The following PKIB variants were observed in gnomAD, a reference collection of about 807,000 sequenced individuals.
PKIB encodes the protein PKI-beta.
A neutral mutation model predicts 4.5 loss-of-function variants in PKIB; 2 were observed. The ratio of observed to expected loss-of-function variants is 0.44; its 90% CI spans 0.18 to 1.39. The LOEUF (loss-of-function observed/expected upper bound fraction) is 1.39. Among genes scored for constraint, PKIB ranks in the 40% most tolerant of loss-of-function variants. The probability of loss-of-function intolerance (pLI) is 0.27; values close to 1 mark genes in which losing one functional copy is unlikely to be tolerated. For synonymous variants in PKIB, 38 were observed against 36.0 expected, an observed-to-expected ratio of 1.06 and a Z score of -0.20; for missense variants, 94 against 92.6, an observed-to-expected ratio of 1.02 and a Z score of -0.06.
rs535046356 is a variant in PKIB, at chr6:122,615,468, A to T, written c.-161+4933A>T. On this transcript the variant is annotated intron_variant, in intron 1 of 4. Coordinates refer to ENST00000368452, the MANE Select transcript of PKIB (RefSeq NM_181795.3). ...CATGAGAATGAAGAGTGCCTCTCAGATTCTTGGCTTGAAGTGAGAGCTGGC... is the reference window on the plus strand; with the variant it reads ...CATGAGAATGAAGAGTGCCTCTCAGTTTCTTGGCTTGAAGTGAGAGCTGGC... Among the ~76,000 whole-genome samples, 3 of 152,302 alleles carry T rather than the reference A, an allele frequency of 2.0e-5. No homozygotes were observed. In the East Asian group the frequency reaches 5.8e-4, roughly 29 times the overall value.
intron 2 of PKIB, among the ~76,000 whole-genome samples, chr6:122,569,258 G>C (rs975611157): frequency 6.6e-6 from 1 of 152,154 alleles, no homozygotes; most frequent in Non-Finnish European, 1.5e-5. Context: ...TGAGAAACCA[G>C]AATACTTCCC....
intron 2 of PKIB, among the ~76,000 whole-genome samples, chr6:122,517,337 C>A (rs1457054751): frequency 6.6e-6 from 1 of 152,082 alleles, no homozygotes; most frequent in African/African-American, 2.4e-5. Context: ...AAATATTGTT[C>A]TTTTATAAGT....
rs563795835 is a variant in PKIB at position 122,491,504 on chromosome 6, C to G, written c.-248+13565C>G. 4.6e-5 allele frequency among the ~76,000 whole-genome samples: 7 copies of G among 152,098 alleles called. No homozygotes were observed. In the East Asian group the frequency reaches 7.7e-4, roughly 17 times the overall value. On this transcript the variant is annotated intron_variant, in intron 2 of 6. Transcript: ENST00000392491. Reference sequence around the variant, plus strand: ...GAGTTGGGGGAGCCCTCTCCTCCCCCGCTCATGCCTGGCTAGCTACCTACT... The same window carrying G: ...GAGTTGGGGGAGCCCTCTCCTCCCCGGCTCATGCCTGGCTAGCTACCTACT...
intron 2 of PKIB, among the ~76,000 whole-genome samples, chr6:122,508,574 T>C (rs1219510784): frequency 6.6e-6 from 1 of 152,154 alleles, no homozygotes; most frequent in East Asian, 1.9e-4. Context: ...GGAAGATTGG[T>C]ATGTGCTCAG....
chr6:122,655,029 C>T (rs1187830866), intron 2 of PKIB, among the ~76,000 whole-genome samples: 2 of 151,850 alleles, frequency 1.3e-5, no homozygotes, highest in East Asian at 3.9e-4. Context: ...CAGGCTTTGC[C>T]CAGGCTGGAG....
intron 2 of PKIB, among the ~76,000 whole-genome samples, chr6:122,516,683 G>A (rs940518542): frequency 1.3e-5 from 2 of 152,078 alleles, no homozygotes; most frequent in African/African-American, 4.8e-5. Flanking sequence ...AAACTGAGGG[G>A]TTACATAAAA....
chr6:122,708,098 G>T (rs1779134281), intron 3 of PKIB, among the ~76,000 whole-genome samples: 1 of 152,156 alleles, frequency 6.6e-6, no homozygotes, highest in Non-Finnish European at 1.5e-5. Context: ...GCTTTGTGGA[G>T]CTTACCTTCT....
At chr6:122,492,475 C>G (rs940183592) in intron 2 of PKIB, among the ~76,000 whole-genome samples, 2 of 152,086 alleles carry the variant, frequency 1.3e-5, no homozygotes, top group Admixed American at 6.6e-5. Context: ...AGTAATGTTT[C>G]CAGATATATA....
At chr6:122,601,416 A>C (rs541925860) in intron 3 of PKIB, among the ~76,000 whole-genome samples, 2 of 152,308 alleles carry the variant, frequency 1.3e-5, no homozygotes, top group South Asian at 4.1e-4. Flanking sequence ...AACTTTTTTA[A>C]AGTATTGGAA....
intron 3 of PKIB, among the ~76,000 whole-genome samples, chr6:122,587,727 T>C (rs1215391129): frequency 6.6e-6 from 1 of 152,196 alleles, no homozygotes; most frequent in African/African-American, 2.4e-5. Flanking sequence ...TTCTAACTGG[T>C]GTGAGATGGT....
intron 2 of PKIB, among the ~76,000 whole-genome samples, chr6:122,640,467 T>C (rs1776080218): frequency 6.6e-6 from 1 of 152,220 alleles, no homozygotes; most frequent in Non-Finnish European, 1.5e-5. Flanking sequence ...AGACCTGTAC[T>C]GTCAACTTCA....
intron 1 of PKIB, among the ~76,000 whole-genome samples, chr6:122,618,696 A>C (rs918422519): frequency 2.0e-5 from 3 of 152,066 alleles, no homozygotes; most frequent in East Asian, 3.8e-4. Flanking sequence ...TAATGGCTCC[A>C]TTAACTAATT....
intron 2 of PKIB, among the ~76,000 whole-genome samples, chr6:122,558,845 C>T (rs2114668510): frequency 6.6e-6 from 1 of 152,150 alleles, no homozygotes; most frequent in African/African-American, 2.4e-5. Flanking sequence ...TTGGTGCACC[C>T]ATCACCGGAG....
intron 3 of PKIB, among the ~76,000 whole-genome samples, chr6:122,695,856 C>G (rs532548563): frequency 3.6e-4 from 55 of 152,232 alleles, no homozygotes; most frequent in African/African-American, 1.2e-3. Context: ...TATCTCTCCT[C>G]TCTCTTCTCT....
Position 122,596,046 on chromosome 6 carries a change from A to T in PKIB, c.-161+10039A>T, listed in dbSNP as rs192483766. ...TCACGCTTCTTTCAAGTCCCTGACC[A>T]TCCAGCCAAACCATTGGCTATAGCT... On this transcript the variant is annotated intron_variant, in intron 3 of 6. Coordinates refer to the PKIB transcript ENST00000392491. 1.1e-4 allele frequency among the ~76,000 whole-genome samples: 17 copies of T among 152,344 alleles called. 1 individual carries two copies. Among genetic ancestry groups the T allele is most frequent in the Non-Finnish European group, 1.5e-4 (10 of 68,026 alleles).
At chr6:122,651,124 C>T (rs1462916671) in intron 2 of PKIB, among the ~76,000 whole-genome samples, 4 of 152,118 alleles carry the variant, frequency 2.6e-5, no homozygotes, top group Non-Finnish European at 4.4e-5. Context: ...GAATCATTAC[C>T]CCTGCATCCT....
At chr6:122,689,916 C>T (rs1778255258) in intron 3 of PKIB, among the ~76,000 whole-genome samples, 2 of 152,164 alleles carry the variant, frequency 1.3e-5, no homozygotes, top group South Asian at 4.2e-4. Flanking sequence ...ATAATATTTG[C>T]TTTATATATC....
chr6:122,496,407 A>G (rs994201349), intron 2 of PKIB, among the ~76,000 whole-genome samples: 7 of 152,242 alleles, frequency 4.6e-5, no homozygotes, highest in African/African-American at 1.7e-4. Context: ...CAGAAATGAC[A>G]GTTAAAGAAT....
intron 3 of PKIB, among the ~76,000 whole-genome samples, chr6:122,691,922 A>G (rs1778371705): frequency 6.6e-6 from 1 of 152,210 alleles, no homozygotes; most frequent in Admixed American, 6.5e-5. Flanking sequence ...GCCCAGTAAC[A>G]CTGTGGTTCT....
Sources: allele counts gnomAD v4.1 joint callset (sites outside exome capture counted in the v4.1 genomes callset), GRCh38; gene constraint gnomAD v4.1.1; transcripts MANE v1.5; gene names NCBI Gene and HGNC (gene_info 2026-07-23, HGNC 2026-07-21).